The following STX8 variants were observed in gnomAD, a reference collection of about 807,000 sequenced individuals.
The protein encoded by STX8 is syntaxin 8.
Under a neutral mutation model 37.5 loss-of-function variants are expected in STX8, and 23 were observed. The observed-to-expected ratio is 0.61, with a 90% CI of 0.44 to 0.87. The LOEUF (loss-of-function observed/expected upper bound fraction) is 0.87. STX8 is among the 40% of genes least tolerant of loss of function. STX8 has a pLI of 0.00. For missense variants in STX8, 313 were observed against 284.7 expected, an observed-to-expected ratio of 1.10 and a Z score of -0.71; for synonymous variants, 115 against 99.1, an observed-to-expected ratio of 1.16 and a Z score of -0.95.
At chr17:9,382,717 T>C (rs1911865701) in intron 6 of STX8, among the ~76,000 whole-genome samples, 1 of 152,212 alleles carries the variant, frequency 6.6e-6, no homozygotes, top group African/African-American at 2.4e-5. Flanking sequence ...AGGAGTATTA[T>C]TAGACATAAA....
At chr17:9,276,712 T>C (rs1043511856) in intron 7 of STX8, among the ~76,000 whole-genome samples, 1 of 151,804 alleles carries the variant, frequency 6.6e-6, no homozygotes, top group Non-Finnish European at 1.5e-5. Flanking sequence ...CTCAGCTCAC[T>C]GCAACCTCTA....
intron 7 of STX8, among the ~76,000 whole-genome samples, chr17:9,361,769 G>A (rs1911070930): frequency 6.6e-6 from 1 of 152,160 alleles, no homozygotes; most frequent in African/African-American, 2.4e-5. Flanking sequence ...TAACTGGCAG[G>A]AGCTGGATGC....
intron 7 of STX8, among the ~76,000 whole-genome samples, chr17:9,377,611 C>T (rs1365638028): frequency 6.6e-6 from 1 of 152,186 alleles, no homozygotes; most frequent in South Asian, 2.1e-4. Flanking sequence ...CAGGTGTGTA[C>T]CACAATGGCT....
chr17:9,278,207 G>A (rs540414654), intron 7 of STX8, among the ~76,000 whole-genome samples: 2 of 151,508 alleles, frequency 1.3e-5, no homozygotes, highest in East Asian at 1.9e-4. Context: ...CAGCACTTTG[G>A]GAGGCCGAGG....
At chr17:9,337,887 T>C (rs1033371004) in intron 7 of STX8, among the ~76,000 whole-genome samples, 11 of 151,834 alleles carry the variant, frequency 7.2e-5, no homozygotes, top group Non-Finnish European at 1.5e-4. Flanking sequence ...TCCTAGTCCA[T>C]GGAAGAGAAA....
intron 7 of STX8, among the ~76,000 whole-genome samples, chr17:9,343,138 C>A (rs1910428643): frequency 1.3e-5 from 2 of 151,894 alleles, no homozygotes; most frequent in Non-Finnish European, 2.9e-5. Context: ...AGGATCTGGA[C>A]CACAAAACCC....
At chr17:9,281,946 T>C (rs1369500204) in intron 7 of STX8, among the ~76,000 whole-genome samples, 1 of 152,136 alleles carries the variant, frequency 6.6e-6, no homozygotes, top group Non-Finnish European at 1.5e-5. Context: ...AGCTCAGGTA[T>C]GGGTCTAGCA....
intron 6 of STX8, among the ~76,000 whole-genome samples, chr17:9,474,920 T>C (rs1000042235): frequency 6.6e-6 from 1 of 152,120 alleles, no homozygotes. Flanking sequence ...TGCAGTGAGC[T>C]GATATCATGC....
intron 6 of STX8, among the ~76,000 whole-genome samples, chr17:9,386,340 CT>C (rs1912013506): frequency 6.6e-6 from 1 of 152,152 alleles, no homozygotes; most frequent in Non-Finnish European, 1.5e-5. Context: ...TCATTATATG[CT>C]TTGTGATTCC....
chr17:9,336,552 C>T (rs1211534276), intron 7 of STX8, among the ~76,000 whole-genome samples: 1 of 152,088 alleles, frequency 6.6e-6, no homozygotes, highest in Non-Finnish European at 1.5e-5. Context: ...TCTCCTGCCT[C>T]AGCCTCCCGA....
At chr17:9,516,139 C>T (rs1231387827) in intron 4 of STX8, among the ~76,000 whole-genome samples, 1 of 151,462 alleles carries the variant, frequency 6.6e-6, no homozygotes, top group African/African-American at 2.4e-5. Context: ...GAGTATATTG[C>T]CCCTGAGGTG....
intron 4 of STX8, among the ~76,000 whole-genome samples, chr17:9,506,467 G>C (rs1182031333): frequency 8.4e-6 from 1 of 118,360 alleles, no homozygotes; most frequent in Non-Finnish European, 1.6e-5. Flanking sequence ...AAACAGCTAA[G>C]ATTTGACTTC....
intron 7 of STX8, among the ~76,000 whole-genome samples, chr17:9,322,351 T>G (rs1482297478): frequency 7.2e-6 from 1 of 139,468 alleles, no homozygotes. Context: ...GATATTTTCC[T>G]TTTGAAAGCA....
At chr17:9,510,641 T>C (rs1463996286) in intron 4 of STX8, among the ~76,000 whole-genome samples, 1 of 151,968 alleles carries the variant, frequency 6.6e-6, no homozygotes, top group Non-Finnish European at 1.5e-5. Context: ...GGCAAGTGTA[T>C]AACAATAAAT....
intron 7 of STX8, among the ~76,000 whole-genome samples, chr17:9,276,792 C>T (rs12940893): frequency 0.36 from 54,096 of 150,540 alleles, 9,947 homozygotes; most frequent in East Asian, 0.54. Flanking sequence ...CCCACCACCA[C>T]GCTCGGCTAA....
chr17:9,406,554 A>G (rs2142327216), intron 6 of STX8, among the ~76,000 whole-genome samples: 1 of 152,264 alleles, frequency 6.6e-6, no homozygotes, highest in African/African-American at 2.4e-5. Flanking sequence ...ATTTGTTTAC[A>G]TTTCTGTCCA....
At chr17:9,370,412 G>A (rs1304681467) in intron 7 of STX8, among the ~76,000 whole-genome samples, 1 of 152,102 alleles carries the variant, frequency 6.6e-6, no homozygotes, top group Non-Finnish European at 1.5e-5. Context: ...AAGTCACCCA[G>A]GCTGTAAGTG....
intron 2 of STX8, 29 bp from the exon 3 acceptor site, chr17:9,557,557 T>C: frequency 6.3e-7 from 1 of 1,597,194 alleles, no homozygotes; most frequent in Non-Finnish European, 8.6e-7. Flanking sequence ...ATCCTAAGTA[T>C]TCTAGTCCAG....
intron 7 of STX8, among the ~76,000 whole-genome samples, chr17:9,292,243 T>C (rs111289892): frequency 9.4e-4 from 143 of 152,308 alleles, no homozygotes; most frequent in African/African-American, 2.9e-3. Context: ...ATGAACGATA[T>C]AAGGGTAGAG....
Sources: gnomAD v4.1 joint callset for allele counts (sites outside exome capture counted in the v4.1 genomes callset) on GRCh38, gnomAD v4.1.1 for gene constraint, MANE v1.5 for transcripts, NCBI Gene and HGNC (gene_info 2026-07-23, HGNC 2026-07-21) for gene names.